Variants in SAMD11 observed in about 807,000 individuals in gnomAD.
The protein encoded by SAMD11 is sterile alpha motif domain containing 11.
A neutral mutation model predicts 64.4 loss-of-function variants in SAMD11; 77 were observed. The ratio of observed to expected loss-of-function variants is 1.20; its 90% CI spans 0.99 to 1.44. SAMD11 has a LOEUF of 1.44. Ranked by LOEUF, SAMD11 falls within the 40% of genes most tolerant of loss-of-function variation. SAMD11 has a pLI of 0.00. For missense variants in SAMD11, 1,402 were observed against 943.3 expected (o/e 1.49, Z -6.37); for synonymous variants, 658 against 421.9 (o/e 1.56, Z -6.86).
chr1:925,727 A>T, intron 1 of SAMD11, 195 bp from the exon 2 acceptor site: 1 of 543,396 alleles, frequency 1.8e-6, no homozygotes, highest in Non-Finnish European at 3.3e-6. Flanking sequence ...CCCGGGCTGG[A>T]GTTGCAGAGC....
At position 939,139 on chromosome 1, in the gene SAMD11, T is replaced by A. The variant is rs1292040941; in HGVS notation, c.1057+10T>A. ...AGCGAATCGCCTCAAGGTAAGAGCG[T>A]GGCTGGGACGAGAGACAGGTCACCA... On this transcript the variant is annotated intron_variant, in intron 6 of 13. Transcript: ENST00000616016. The A allele has an allele frequency of 1.3e-5, 20 of 1,576,532 alleles. No homozygotes were observed. The highest frequency in any genetic ancestry group is 1.6e-5 in the Non-Finnish European group (19 of 1,160,558).
intron 4 of SAMD11, among the ~76,000 whole-genome samples, chr1:933,745 G>GT (rs1641278752): frequency 6.6e-6 from 1 of 151,628 alleles, no homozygotes; most frequent in South Asian, 2.1e-4. Flanking sequence ...TGTGCCTGGG[G>GT]GGGGCTTCCT....
rs529973386 is a variant in SAMD11, at chr1:938,840, T to C, written c.968-200T>C. On this transcript the variant is annotated intron_variant, in intron 5 of 13. Transcript: ENST00000616016. Reference sequence around the variant, plus strand: ...ACCAGGGCCAGTGTCAGAGCTCCCCTGTGCCCCTGTCCCGCCACAGCCAGG... The same window carrying C: ...ACCAGGGCCAGTGTCAGAGCTCCCCCGTGCCCCTGTCCCGCCACAGCCAGG... 1.1e-3 allele frequency among the ~76,000 whole-genome samples: 173 copies of C among 152,258 alleles called. 1 individual carries two copies. Among genetic ancestry groups the C allele is most frequent in the African/African-American group, 3.9e-3 (164 of 41,540 alleles).
intron 7 of SAMD11, 64 bp from the exon 8 acceptor site, chr1:941,080 G>A: frequency 1.4e-6 from 2 of 1,449,064 alleles, no homozygotes; most frequent in Non-Finnish European, 1.9e-6. Flanking sequence ...TCTACGCCAG[G>A]ACGCGGGCTG....
At chr1:930,129 A>C in intron 2 of SAMD11, 26 bp from the exon 3 acceptor site, 2 of 1,539,640 alleles carry the variant, frequency 1.3e-6, no homozygotes, top group Non-Finnish European at 1.8e-6. Context: ...CTCCTGCCCC[A>C]CCTTCCTCTC....
At position 932,814 on chromosome 1, in the gene SAMD11, C is replaced by T. The variant is rs764050974; in HGVS notation, c.842+1725C>T. On this transcript the variant is annotated intron_variant, in intron 4 of 13. Coordinates refer to ENST00000616016, the MANE Select transcript of SAMD11 (RefSeq NM_001385641.1). The stretch of plus-strand genomic sequence containing the variant: ...TTTTGGAGCCAGCGGAGCCCCAGGC[C>T]GTCCTCCTCTGCCTCAGGAACCCGG... Among the ~76,000 whole-genome samples, 5 of 152,376 alleles carry T rather than the reference C, an allele frequency of 3.3e-5. No individual in the cohort carries two copies. In the East Asian group the frequency reaches 9.6e-4, roughly 29 times the overall value.
intron 1 of SAMD11, chr1:925,303 G>A (rs1640824054): frequency 6.6e-6 from 1 of 151,888 alleles, no homozygotes; most frequent in South Asian, 1.8e-4. Flanking sequence ...GGAGACTGGA[G>A]GGGCGCACGT....
intron 5 of SAMD11, among the ~76,000 whole-genome samples, chr1:937,229 C>A (rs1231380789): frequency 6.6e-6 from 1 of 152,126 alleles, no homozygotes; most frequent in Non-Finnish European, 1.5e-5. Context: ...CATCCTGTTC[C>A]CAGCCCGGGC....
chr1:930,539 C>T (rs1641120890), intron 3 of SAMD11, among the ~76,000 whole-genome samples: 1 of 152,222 alleles, frequency 6.6e-6, no homozygotes, highest in Non-Finnish European at 1.5e-5. Flanking sequence ...CACCTCTGCT[C>T]TGCGGCGCTC....
chr1:924,899 C>T lies in SAMD11; in HGVS notation c.468C>T (p.Val156=), dbSNP rs761891806. The change falls in exon 1 of 14, where the codon GTC becomes GTT. Residue 156 remains valine (V), a synonymous_variant. Transcript: ENST00000616016. ...TCACGCCCAACGAGTTCCAGTTCGTCAGCGGCCGCGAGACGGCCAAGGACT... is the reference window on the plus strand; with the variant it reads ...TCACGCCCAACGAGTTCCAGTTCGTTAGCGGCCGCGAGACGGCCAAGGACT... ...EWLTPNEFQF[V]SGRETAKDWK... 9.2e-5 allele frequency: 14 copies of T among 152,352 alleles called. No homozygotes were observed. Among genetic ancestry groups the T allele is most frequent in the Non-Finnish European group, 1.9e-4 (13 of 68,036 alleles). The allele number at this position is 152,352 out of a possible 1,614,324, so 9.4% of individuals were successfully genotyped here. A position where few individuals can be genotyped will look rare whatever the true frequency, so the allele number is the denominator to read the frequency against.
At chr1:935,682 A>G (rs1641394525) in intron 4 of SAMD11, 90 bp from the exon 5 acceptor site, 1 of 1,551,538 alleles carries the variant, frequency 6.4e-7, no homozygotes, top group Non-Finnish European at 8.8e-7. Context: ...CCCCACGCTC[A>G]CACACAGAGC....
At chr1:936,620 C>T (rs1046193257) in intron 5 of SAMD11, among the ~76,000 whole-genome samples, 5 of 152,100 alleles carry the variant, frequency 3.3e-5, no homozygotes, top group African/African-American at 1.2e-4. Flanking sequence ...GGCGGGGGCG[C>T]CCCGAGGCCC....
At chr1:925,454 C>T (rs1255799395) in intron 1 of SAMD11, among the ~76,000 whole-genome samples, 1 of 151,818 alleles carries the variant, frequency 6.6e-6, no homozygotes, top group Non-Finnish European at 1.5e-5. Flanking sequence ...GCGGGGGCGC[C>T]TGAGCCGGGA....
intron 5 of SAMD11, 152 bp downstream of exon 5, chr1:936,048 T>A: frequency 1.2e-6 from 1 of 843,406 alleles, no homozygotes. Context: ...GTAATTGTGT[T>A]AATCCCAGCC....
At chr1:932,469 G>A (rs913123589) in intron 4 of SAMD11, among the ~76,000 whole-genome samples, 4 of 152,224 alleles carry the variant, frequency 2.6e-5, no homozygotes, top group Non-Finnish European at 5.9e-5. Context: ...TCGGTCAGAG[G>A]GGAGGGCGTG....
chr1:930,369 AGGCT>A (rs1322271478), intron 3 of SAMD11, 33 bp downstream of exon 3: 1 of 1,568,648 alleles, frequency 6.4e-7, no homozygotes, highest in South Asian at 1.2e-5. Flanking sequence ...GGAAGGCGCA[AGGCT>A]CAGATGGGGC....
chr1:942,034 C>G (rs898663242), intron 8 of SAMD11, 102 bp from the exon 9 acceptor site: 1 of 441,370 alleles, frequency 2.3e-6, no homozygotes, highest in Non-Finnish European at 4.0e-6. Context: ...GCATCGACCG[C>G]CCGCGGGGCC....
chr1:940,687 C>T (rs145881258), intron 7 of SAMD11, among the ~76,000 whole-genome samples: 7,834 of 152,294 alleles, frequency 0.051, 294 homozygotes, highest in Non-Finnish European at 0.076. Flanking sequence ...CGTGCGTGCG[C>T]GGGCGCTGCC....
chr1:933,760 C>T (rs777706540), intron 4 of SAMD11, among the ~76,000 whole-genome samples: 261 of 152,196 alleles, frequency 1.7e-3, no homozygotes, highest in Non-Finnish European at 2.1e-3. Context: ...CTTCCTTTCC[C>T]ACTGGGAGCC....
Sources: gnomAD v4.1 joint callset for allele counts (sites outside exome capture counted in the v4.1 genomes callset) on GRCh38, gnomAD v4.1.1 for gene constraint, MANE v1.5 for transcripts, NCBI Gene and HGNC (gene_info 2026-07-23, HGNC 2026-07-21) for gene names.